GPM6B: variants seen among roughly 807,000 people sequenced by gnomAD.
GPM6B encodes glycoprotein M6B, also known as neuronal membrane glycoprotein M6-b.
A neutral mutation model predicts 27.2 loss-of-function variants in GPM6B; 4 were observed. That is an observed-to-expected ratio of 0.15 (90% confidence interval 0.07 to 0.34). The LOEUF is 0.34. GPM6B is among the 10% of genes least tolerant of loss of function. The pLI is 1.00. For missense variants in GPM6B, 183 were observed against 261.9 expected (o/e 0.70, Z 2.08); for synonymous variants, 124 against 103.1 (o/e 1.20, Z -1.23).
chrX:13,779,625 A>G lies in GPM6B; in HGVS notation c.697+193T>C, dbSNP rs1305353121. On this transcript the variant is annotated intron_variant, in intron 5 of 7. Coordinates refer to ENST00000316715, the MANE Select transcript of GPM6B (RefSeq NM_001001995.3). Reference sequence around the variant, plus strand: ...AAAATATAACGAAATTTTGATACCTAGCAAGCTAAAAGCCTCCCTGAAGTT... The same window carrying G: ...AAAATATAACGAAATTTTGATACCTGGCAAGCTAAAAGCCTCCCTGAAGTT... Among the ~76,000 whole-genome samples, 3 of 111,999 alleles carry G rather than the reference A, an allele frequency of 2.7e-5. No homozygotes were observed. In the East Asian group the frequency reaches 8.3e-4, roughly 31 times the overall value.
At chrX:13,873,296 G>T (rs1467026041) in intron 1 of GPM6B, among the ~76,000 whole-genome samples, 2 of 110,788 alleles carry the variant, frequency 1.8e-5, no homozygotes, top group African/African-American at 6.6e-5. Flanking sequence ...GTGGCAGTGG[G>T]ACTAAAGTAT....
At chrX:13,912,521 A>C (rs1018646573) in intron 1 of GPM6B, among the ~76,000 whole-genome samples, 1 of 112,069 alleles carries the variant, frequency 8.9e-6, no homozygotes, top group African/African-American at 3.2e-5. Flanking sequence ...TTGGTAAAAG[A>C]CTAGGGAACA....
chrX:13,814,572 G>C (rs62587475), intron 1 of GPM6B, among the ~76,000 whole-genome samples: 27,532 of 111,222 alleles, frequency 0.25, 2,617 homozygotes, highest in Middle Eastern at 0.32. Context: ...TAAACTTAAA[G>C]TTAAATCTGA....
chrX:13,934,844 A>C (rs917686300), intron 1 of GPM6B, among the ~76,000 whole-genome samples: 1 of 111,979 alleles, frequency 8.9e-6, no homozygotes, highest in African/African-American at 3.2e-5. Context: ...ATCACACAGC[A>C]AACTAGTGGG....
chrX:13,800,197 G>C (rs2048895872), intron 2 of GPM6B, among the ~76,000 whole-genome samples: 1 of 111,611 alleles, frequency 9.0e-6, no homozygotes, highest in Admixed American at 9.5e-5. Context: ...AAAATCAAGG[G>C]AGGTTTTAGG....
chrX:13,936,983 C>T (rs912281313), intron 1 of GPM6B, among the ~76,000 whole-genome samples: 1 of 112,477 alleles, frequency 8.9e-6, no homozygotes, highest in Non-Finnish European at 1.9e-5. Context: ...CACACTTGTT[C>T]GTAACTGTAA....
At chrX:13,798,973 G>A (rs183203754) in intron 2 of GPM6B, among the ~76,000 whole-genome samples, 87 of 111,746 alleles carry the variant, frequency 7.8e-4, no homozygotes, top group African/African-American at 2.7e-3. Flanking sequence ...GGATCACCTG[G>A]TGGGGGAGCT....
intron 1 of GPM6B, among the ~76,000 whole-genome samples, chrX:13,811,830 C>T (rs994970951): frequency 3.1e-4 from 35 of 111,258 alleles, no homozygotes; most frequent in African/African-American, 8.2e-4. Flanking sequence ...CACTCTTTGA[C>T]GAGAAATATC....
intron 2 of GPM6B, among the ~76,000 whole-genome samples, chrX:13,794,806 A>G (rs1044215432): frequency 1.8e-5 from 2 of 112,101 alleles, no homozygotes; most frequent in Non-Finnish European, 3.8e-5. Flanking sequence ...GAAATGAGTG[A>G]GAGGATGCAG....
At chrX:13,932,086 T>C (rs1346416395) in intron 1 of GPM6B, among the ~76,000 whole-genome samples, 1 of 112,389 alleles carries the variant, frequency 8.9e-6, no homozygotes, top group Non-Finnish European at 1.9e-5. Context: ...ATGTGCCTGC[T>C]TAAAATCCCT....
rs1350715520 is a variant in GPM6B, at chrX:13,805,086, C to T, written c.181+2564G>A. Among the ~76,000 whole-genome samples, 35 of 111,565 alleles carry T rather than the reference C, an allele frequency of 3.1e-4. 1 individual carries two copies. Among genetic ancestry groups the T allele is most frequent in the Non-Finnish European group, 1.9e-5 (1 of 53,110 alleles). On this transcript the variant is annotated intron_variant, in intron 2 of 7. Transcript: ENST00000316715. ...TTTTTTCCAATTATTTCCATCAATGCACACAAAAAGTTAAAACTATGTGTA... is the reference window on the plus strand; with the variant it reads ...TTTTTTCCAATTATTTCCATCAATGTACACAAAAAGTTAAAACTATGTGTA...
rs772367299 is a variant in GPM6B, at chrX:13,773,953, CTTTTTTTTTTTTTTTT to C, written c.838-939_838-924del. On this transcript the variant is annotated intron_variant, in intron 7 of 7. Coordinates refer to ENST00000316715, the MANE Select transcript of GPM6B (RefSeq NM_001001995.3). ...AAAAAAAACTACCCACATATAAATC[CTTTTTTTTTTTTTTTT>C]TTTTTTTTTTCCAGAGAACTGGGTG... The C allele has an allele frequency of 6.6e-5, 29 of 436,332 alleles. No individual in the cohort carries two copies. In the East Asian group the frequency reaches 5.4e-3, roughly 82 times the overall value. The allele number at this position is 436,332 out of a possible 1,213,427, so 36.0% of individuals were successfully genotyped here.
At chrX:13,807,628 T>C (rs201336021) in intron 2 of GPM6B, 22 bp downstream of exon 2, 29 of 1,117,298 alleles carry the variant, frequency 2.6e-5, no homozygotes, top group Non-Finnish European at 1.7e-5. Context: ...GCTATTAGAA[T>C]TCACCCCAAG....
At chrX:13,785,132 G>T (rs2048585292) in intron 3 of GPM6B, among the ~76,000 whole-genome samples, 1 of 111,666 alleles carries the variant, frequency 9.0e-6, no homozygotes, top group African/African-American at 3.3e-5. Flanking sequence ...GGCCTAAACA[G>T]CTACCATATT....
chrX:13,911,283 T>C (rs760650543), intron 1 of GPM6B, among the ~76,000 whole-genome samples: 4 of 112,164 alleles, frequency 3.6e-5, no homozygotes, highest in African/African-American at 9.7e-5. Context: ...TTCAGATATA[T>C]GGTCACAGAA....
intron 1 of GPM6B, among the ~76,000 whole-genome samples, chrX:13,859,550 T>C (rs948504387): frequency 1.8e-5 from 2 of 109,423 alleles, no homozygotes; most frequent in East Asian, 5.6e-4. Context: ...TGTACAGAGA[T>C]TTTTTTTTAC....
upstream of GPM6B, among the ~76,000 whole-genome samples, chrX:13,819,710 A>G (rs2044366237): frequency 8.9e-6 from 1 of 111,779 alleles, no homozygotes; most frequent in Non-Finnish European, 1.9e-5. Context: ...ACAAGTGACG[A>G]TGCCTGTCTC....
At chrX:13,815,018 A>G (rs1191098367) in intron 1 of GPM6B, among the ~76,000 whole-genome samples, 1 of 112,031 alleles carries the variant, frequency 8.9e-6, no homozygotes, top group Non-Finnish European at 1.9e-5. Context: ...CTTTTCATAT[A>G]CGGGTTGTCA....
At chrX:13,927,129 A>G (rs1017832483) in intron 1 of GPM6B, among the ~76,000 whole-genome samples, 6 of 105,726 alleles carry the variant, frequency 5.7e-5, no homozygotes, top group Non-Finnish European at 3.9e-5. Flanking sequence ...CCAATAACCT[A>G]CACAAAACTT....
Sources: gnomAD v4.1 joint callset for allele counts (sites outside exome capture counted in the v4.1 genomes callset) on GRCh38, gnomAD v4.1.1 for gene constraint, MANE v1.5 for transcripts, NCBI Gene and HGNC (gene_info 2026-07-23, HGNC 2026-07-21) for gene names.